Variants in DMXL1 observed in about 807,000 individuals in gnomAD.
DMXL1 encodes the protein Dmx like 1.
Under a neutral mutation model 319.2 loss-of-function variants are expected in DMXL1, and 99 were observed. The ratio of observed to expected loss-of-function variants is 0.31; its 90% confidence interval spans 0.26 to 0.37. DMXL1 has a LOEUF of 0.37. Among genes scored for constraint, DMXL1 ranks in the 10% least tolerant of loss-of-function variants. The pLI is 1.00. For missense variants in DMXL1, 3,745 were observed against 3,595.6 expected (o/e 1.04, Z -1.06); for synonymous variants, 1,385 against 1,235.2 (o/e 1.12, Z -2.54).
intron 7 of DMXL1, 64 bp downstream of exon 7, chr5:119,116,400 TTC>T: frequency 6.5e-7 from 1 of 1,528,820 alleles, no homozygotes; most frequent in Admixed American, 1.9e-5. Flanking sequence ...CTTTGATTGC[TTC>T]TCTCACTTTT....
intron 32 of DMXL1, among the ~76,000 whole-genome samples, chr5:119,202,122 A>G (rs1780812867): frequency 6.6e-6 from 1 of 151,596 alleles, no homozygotes; most frequent in African/African-American, 2.4e-5. Flanking sequence ...TTTGGGGTTT[A>G]TTTGTTCTTG....
At chr5:119,173,756 A>T (rs1157260780) in intron 25 of DMXL1, among the ~76,000 whole-genome samples, 1 of 97,486 alleles carries the variant, frequency 1.0e-5, no homozygotes, top group South Asian at 3.3e-4. Flanking sequence ...ATGTGTGTGT[A>T]TATATATATA....
rs375579840 is a variant in DMXL1 at position 119,244,596 on chromosome 5, C to T, written c.8922+20C>T. 13 of 1,568,200 alleles carry T rather than the reference C, an allele frequency of 8.3e-6. No individual in the cohort carries two copies. The African/African-American group carries it at 1.8e-4, about 21-fold the overall frequency. On this transcript the variant is annotated intron_variant, in intron 43 of 43. Transcript: ENST00000539542. Reference sequence around the variant, plus strand: ...ATAAAGGTAAACACAGTTGATGCCACAACATCTACAAAATGAAATCTTCAG... The same window carrying T: ...ATAAAGGTAAACACAGTTGATGCCATAACATCTACAAAATGAAATCTTCAG...
rs763588897 is a variant in DMXL1, at chr5:119,193,824, T to G, written c.7315-4T>G. The G allele has an allele frequency of 1.2e-6, 2 of 1,610,696 alleles. No individual in the cohort carries two copies. Among genetic ancestry groups the G allele is most frequent in the East Asian group, 2.2e-5 (1 of 44,684 alleles). On this transcript the variant is annotated splice_polypyrimidine_tract_variant and splice_region_variant and intron_variant, in intron 29 of 43. Transcript: ENST00000539542. ...TGCTAAATTTCATGATTTCTTTATT[T>G]TAGCCTTTTCTACCCTCTTCTCAAA...
rs370592802 is a variant in DMXL1, at chr5:119,167,710, A to T, written c.5244A>T (p.Lys1748Asn). 4.3e-6 allele frequency: 7 copies of T among 1,613,594 alleles called. No individual in the cohort carries two copies. In the African/African-American group the frequency reaches 9.3e-5, roughly 22 times the overall value. The stretch of plus-strand genomic sequence containing the variant: ...CATATAAATCTATTTTACGTAAAAA[A>T]GTTTTGGGAATCGATTCTCCTGTCA... ...SAAYKSILRK[K>N]VLGIDSPVSE... The change falls in exon 23 of 44, where the codon AAA (lysine) becomes AAT (asparagine). Residue 1748 changes from lysine (K) to asparagine (N), a missense_variant. Lys to Asn is a moderately conservative substitution (Grantham distance 94). This residue lies in a region of DMXL1 where 1,382 missense variants were observed against 1,269.5 expected (regional missense o/e 1.09). Transcript: ENST00000539542.
At position 119,116,393 on chromosome 5, in the gene DMXL1, T is replaced by G. The variant is rs1760852715; in HGVS notation, c.743+57T>G. 14 of 1,544,450 alleles carry G rather than the reference T, an allele frequency of 9.1e-6. No individual in the cohort carries two copies. In the East Asian group the frequency reaches 3.2e-4, roughly 35 times the overall value. ...TAAGGGAGCATCATCTTTGTTACTTTGATTGCTTCTCTCACTTTTGAGAGT... is the reference window on the plus strand; with the variant it reads ...TAAGGGAGCATCATCTTTGTTACTTGGATTGCTTCTCTCACTTTTGAGAGT... On this transcript the variant is annotated intron_variant, in intron 7 of 43. Coordinates refer to ENST00000539542, the MANE Select transcript of DMXL1 (RefSeq NM_001290321.3).
At chr5:119,077,168 A>G (rs1432189541) in intron 1 of DMXL1, among the ~76,000 whole-genome samples, 1 of 144,096 alleles carries the variant, frequency 6.9e-6, no homozygotes, top group Non-Finnish European at 1.5e-5. Flanking sequence ...ATTTTATTTT[A>G]TTTTTTTGAG....
At chr5:119,102,514 G>A (rs889082246) in intron 3 of DMXL1, among the ~76,000 whole-genome samples, 3 of 152,190 alleles carry the variant, frequency 2.0e-5, no homozygotes, top group African/African-American at 4.8e-5. Context: ...ATAAATATTC[G>A]AATCATGTTA....
rs1047856945 is a variant in DMXL1 at position 119,247,808 on chromosome 5, G to A, written c.*589G>A. 1.4e-5 allele frequency: 2 copies of A among 145,746 alleles called. No homozygotes were observed. Among genetic ancestry groups the A allele is most frequent in the African/African-American group, 5.2e-5 (2 of 38,332 alleles). 9.0% of individuals were successfully genotyped at this position (145,746 alleles called of 1,614,324 possible). On this transcript the variant is annotated 3_prime_UTR_variant, in exon 44 of 44. Transcript: ENST00000539542. ...ACCCAAGTTGTATGTATGTATACGTGTGTGTGTGTGTGTGTGTGTGTATCT... is the reference window on the plus strand; with the variant it reads ...ACCCAAGTTGTATGTATGTATACGTATGTGTGTGTGTGTGTGTGTGTATCT...
rs1789391553 is a variant in DMXL1 at position 119,244,520 on chromosome 5, G to A, written c.8866G>A (p.Ala2956Thr). 6.2e-7 allele frequency: 1 copy of A among 1,614,136 alleles called. No individual in the cohort carries two copies. Among genetic ancestry groups the A allele is most frequent in the African/African-American group, 1.3e-5 (1 of 75,052 alleles). Reference protein sequence around the residue: ...QSHDSPVKAVAVDPTEEYFVT... With the variant: ...QSHDSPVKAVTVDPTEEYFVT... ...CCATGATTCTCCTGTTAAAGCCGTT[G>A]CTGTTGATCCAACTGAAGAGTACTT... Residue 2956 changes from alanine (A) to threonine (T), a missense_variant, in exon 43 of 44, where the codon GCT (alanine) becomes ACT (threonine). By Grantham distance (58) the Ala-to-Thr change is moderately conservative (BLOSUM62 0). Coordinates refer to ENST00000539542, the MANE Select transcript of DMXL1 (RefSeq NM_001290321.3).
chr5:119,178,721 C>A (rs1776277380), intron 28 of DMXL1: 11 of 910,750 alleles, frequency 1.2e-5, no homozygotes, highest in Non-Finnish European at 1.3e-5. Flanking sequence ...AGGCTTTTAT[C>A]ATTCAGCTTG....
Position 119,116,197 on chromosome 5 carries a change from T to C in DMXL1, c.604T>C (p.Trp202Arg). Residue 202 changes from tryptophan to arginine, a missense_variant, in exon 7 of 44, where the codon TGG becomes CGG. Transcript: ENST00000539542. ...GAAGGTTTGGTATAATGTAGAAAAC[T>C]GGCGGACAGCTGTTACTTCTCCAGA... ...LLKVWYNVEN[W>R]RTAVTSPDGS... is the part of the protein sequence containing the mutation. 1 of 1,613,980 alleles carries C rather than the reference T, an allele frequency of 6.2e-7. No individual in the cohort carries two copies. The highest frequency in any genetic ancestry group is 2.2e-5 in the East Asian group (1 of 44,874).
chr5:119,158,853 G>A (rs1281452527), intron 19 of DMXL1, among the ~76,000 whole-genome samples: 1 of 152,180 alleles, frequency 6.6e-6, no homozygotes, highest in East Asian at 1.9e-4. Flanking sequence ...CACAGTGGGT[G>A]ATCCTTTTAT....
intron 7 of DMXL1, among the ~76,000 whole-genome samples, 176 bp downstream of exon 7, chr5:119,116,512 A>G (rs1056587386): frequency 6.6e-6 from 1 of 152,164 alleles, no homozygotes; most frequent in Non-Finnish European, 1.5e-5. Context: ...ACTATGTTTG[A>G]TGCTTAGGAT....
intron 28 of DMXL1, among the ~76,000 whole-genome samples, chr5:119,179,116 A>G (rs1254500373): frequency 1.3e-5 from 2 of 152,110 alleles, no homozygotes; most frequent in African/African-American, 2.4e-5. Context: ...ATTTTAAACA[A>G]TTGTATCCCC....
At chr5:119,082,538 G>A (rs1752477122) in intron 1 of DMXL1, among the ~76,000 whole-genome samples, 1 of 152,056 alleles carries the variant, frequency 6.6e-6, no homozygotes, top group African/African-American at 2.4e-5. Context: ...GCCTCCCAGA[G>A]TGCTGGGATT....
At chr5:119,132,703 C>A in intron 10 of DMXL1, 1 of 473,490 alleles carries the variant, frequency 2.1e-6, no homozygotes, top group South Asian at 1.6e-5. Context: ...GAGCAAGTCC[C>A]TTTTCTGGGT....
At position 119,098,014 on chromosome 5, in the gene DMXL1, A is replaced by G. The variant is rs1170521597; in HGVS notation, c.123A>G (p.Gly41=). The G allele has an allele frequency of 6.2e-7, 1 of 1,608,052 alleles. No individual in the cohort carries two copies. Among genetic ancestry groups the G allele is most frequent in the Non-Finnish European group, 8.5e-7 (1 of 1,178,380 alleles). The change falls in exon 2 of 44, where the codon GGA becomes GGG. Residue 41 remains glycine (G), a synonymous_variant. Coordinates refer to ENST00000539542, the MANE Select transcript of DMXL1 (RefSeq NM_001290321.3). ...YASGCDIVIL[G]SDFERLQIIP... is the part of the protein sequence containing the mutation. ...CTGGATGTGACATTGTAATACTGGG[A>G]AGCGATTTTGAAAGATTACAGATAA...
At chr5:119,240,241 C>CT (rs568084429) in intron 41 of DMXL1, among the ~76,000 whole-genome samples, 178 bp from the exon 42 acceptor site, 59 of 151,980 alleles carry the variant, frequency 3.9e-4, no homozygotes, top group African/African-American at 1.4e-3. Flanking sequence ...CCACTGCATT[C>CT]TTTTTTTTAT....
Sources: gnomAD v4.1 joint callset for allele counts (sites outside exome capture counted in the v4.1 genomes callset) on GRCh38, gnomAD v4.1.1 for gene constraint, gnomAD v4.1.1 regional missense constraint, MANE v1.5 for transcripts, NCBI Gene and HGNC (gene_info 2026-07-23, HGNC 2026-07-21) for gene names.